The following CENPE variants were observed in gnomAD, a reference collection of about 807,000 sequenced individuals.
CENPE encodes the protein centromere-associated protein E.
In CENPE, 145 loss-of-function variants were observed where a neutral mutation model predicts 336.1. That is an observed-to-expected ratio of 0.43 (90% CI 0.38 to 0.50). The LOEUF (loss-of-function observed/expected upper bound fraction) is 0.50. Among genes scored for constraint, CENPE ranks in the 20% least tolerant of loss-of-function variants. CENPE has a pLI of 0.00. For missense variants in CENPE, 2,719 were observed against 3,023.3 expected (o/e 0.90, Z 2.36); for synonymous variants, 1,013 against 984.8 (o/e 1.03, Z -0.54).
In CENPE at chr4:103,196,240, T is replaced by C. The variant is rs1757721124; in HGVS notation, c.161A>G (p.His54Arg). The change falls in exon 3 of 49, where the codon CAT becomes CGT. Residue 54 changes from histidine to arginine, a missense_variant. Physicochemically the swap from His to Arg is conservative, Grantham distance 29. Transcript: ENST00000265148. ...SKSFNFDRVF[H>R]GNETTKNVYE... ...CACATTTTTGGTAGTTTCATTACCA[T>C]GAAAGACACGATCTAAACAACAACA... 2 of 1,609,750 alleles carry C rather than the reference T, an allele frequency of 1.2e-6. No homozygotes were observed. Among genetic ancestry groups the C allele is most frequent in the Non-Finnish European group, 8.5e-7 (1 of 1,177,100 alleles).
Position 103,144,442 on chromosome 4 carries a change from AAGG to A in CENPE, c.5031_5033del (p.Leu1678del). 3 of 1,613,962 alleles carry A rather than the reference AAGG, an allele frequency of 1.9e-6. No individual in the cohort carries two copies. The highest frequency in any genetic ancestry group is 2.5e-6 in the Non-Finnish European group (3 of 1,179,946). ...CTTTTGTTACAGATCTCATTTCTTC[AAGG>A]TTTTCATGTAGTATCTGAGTCAACC... On this transcript the variant is annotated inframe_deletion, in exon 33 of 49. Transcript: ENST00000265148.
intron 9 of CENPE, among the ~76,000 whole-genome samples, chr4:103,184,924 G>T (rs183766229): frequency 6.6e-6 from 1 of 152,244 alleles, no homozygotes; most frequent in East Asian, 1.9e-4. Context: ...ACAGAGGCCT[G>T]ATATCCTTGT....
At chr4:103,185,267 T>C (rs537191634) in intron 9 of CENPE, among the ~76,000 whole-genome samples, 2 of 149,290 alleles carry the variant, frequency 1.3e-5, no homozygotes, top group East Asian at 3.9e-4. Flanking sequence ...ATCGTGCCAC[T>C]GCACTCCAGC....
At position 103,174,801 on chromosome 4, in the gene CENPE, A is replaced by G. The variant is rs1578660438; in HGVS notation, c.1582T>C (p.Leu528=). The G allele has an allele frequency of 1.9e-6, 3 of 1,552,074 alleles. No homozygotes were observed. In the East Asian group the frequency reaches 7.1e-5, roughly 37 times the overall value. ...RTEKEEMELK[L]KEKNDLDEFE... ...TCATCCAAATCATTCTTTTCTTTTA[A>G]TTTCAATTCCATTTCTTCTTTTTCT... The change falls in exon 16 of 49, where the codon TTA becomes CTA. Residue 528 remains leucine, a synonymous_variant. Transcript: ENST00000265148.
intron 8 of CENPE, among the ~76,000 whole-genome samples, chr4:103,192,949 G>A (rs1757480156): frequency 6.6e-6 from 1 of 150,878 alleles, no homozygotes; most frequent in Non-Finnish European, 1.5e-5. Context: ...AGGAGGGTAG[G>A]GAAAAAGAAG....
chr4:103,132,331 TACC>T (rs1203064148), intron 42 of CENPE, among the ~76,000 whole-genome samples: 1 of 152,220 alleles, frequency 6.6e-6, no homozygotes, highest in African/African-American at 2.4e-5. Context: ...TCTATGACTT[TACC>T]ACAGTTGCTG....
chr4:103,162,421 G>T (rs2045746), intron 18 of CENPE, among the ~76,000 whole-genome samples: 51,695 of 151,934 alleles, frequency 0.34, 9,181 homozygotes, highest in Middle Eastern at 0.48. Flanking sequence ...TTCAATGTTA[G>T]TTAATGCCAA....
chr4:103,111,972 G>A (rs11724522), intron 46 of CENPE, among the ~76,000 whole-genome samples: 25,813 of 151,380 alleles, frequency 0.17, 2,312 homozygotes, highest in South Asian at 0.31. Context: ...CTTTATGTAC[G>A]TGTGTGTGCG....
At position 103,132,734 on chromosome 4, in the gene CENPE, T is replaced by A; in HGVS notation, c.6883A>T (p.Arg2295Trp). The A allele has an allele frequency of 6.4e-7, 1 of 1,565,758 alleles. No homozygotes were observed. Among genetic ancestry groups the A allele is most frequent in the Non-Finnish European group, 8.8e-7 (1 of 1,142,436 alleles). Reference sequence around the variant, plus strand: ...AAGAAGTTATTCACTTGACAAATCCTATCATTTTCTTTCTGGATGCCATTT... The same window carrying A: ...AAGAAGTTATTCACTTGACAAATCCAATCATTTTCTTTCTGGATGCCATTT... ...LKNGIQKEND[R>W]ICQVNNFFNN... is the part of the protein sequence containing the mutation. The change falls in exon 42 of 49, where the codon AGG becomes TGG. Residue 2295 changes from arginine (R) to tryptophan (W), a missense_variant. By Grantham distance (101) the Arg-to-Trp change is moderately radical. Coordinates refer to ENST00000265148, the MANE Select transcript of CENPE (RefSeq NM_001813.3).
At chr4:103,193,955 T>A (rs1757551978) in intron 8 of CENPE, among the ~76,000 whole-genome samples, 1 of 151,802 alleles carries the variant, frequency 6.6e-6, no homozygotes, top group African/African-American at 2.4e-5. Flanking sequence ...GCATTAGTGG[T>A]TAGAAAAAAC....
Position 103,133,846 on chromosome 4 carries a change from G to A in CENPE, c.6569C>T (p.Ser2190Phe). Reference sequence around the variant, plus strand: ...AAAATCCATTTCAAATTTATTGATGGATTCATGTTGTTCTTCTTTTATTTT... The same window carrying A: ...AAAATCCATTTCAAATTTATTGATGAATTCATGTTGTTCTTCTTTTATTTT... ...VTKIKEEQHE[S>F]INKFEMDFID... The change falls in exon 41 of 49, where the codon TCC becomes TTC. Residue 2190 changes from serine (S) to phenylalanine (F), a missense_variant. Ser to Phe is a radical substitution (Grantham distance 155, BLOSUM62 -2). Around this residue, in one of 5 missense-constraint regions of CENPE, gnomAD observed 2,437 missense variants for 2,513.3 expected, o/e 0.97. Transcript: ENST00000265148. The A allele has an allele frequency of 6.3e-7, 1 of 1,597,418 alleles. No homozygotes were observed. Among genetic ancestry groups the A allele is most frequent in the Non-Finnish European group, 8.6e-7 (1 of 1,168,236 alleles).
In CENPE at chr4:103,161,398, G is replaced by A; in HGVS notation, c.1902C>T (p.Ala634=). 1.2e-6 allele frequency: 2 copies of A among 1,612,574 alleles called. No homozygotes were observed. The highest frequency in any genetic ancestry group is 1.7e-6 in the Non-Finnish European group (2 of 1,179,280). ...KQTLFDAETV[A]LDAKRESAFL... Reference sequence around the variant, plus strand: ...AGGCTGATTCTCTCTTGGCATCAAGGGCTACAGTTTCAGCATCAAACAGAG... The same window carrying A: ...AGGCTGATTCTCTCTTGGCATCAAGAGCTACAGTTTCAGCATCAAACAGAG... The change falls in exon 19 of 49, where the codon GCC becomes GCT. Residue 634 remains alanine (A), a synonymous_variant. Transcript: ENST00000265148.
At chr4:103,111,073 G>A in intron 46 of CENPE, 62 bp from the exon 47 acceptor site, 1 of 1,223,550 alleles carries the variant, frequency 8.2e-7, no homozygotes, top group Non-Finnish European at 1.1e-6. Flanking sequence ...TCAAAATAAA[G>A]GAAATACTAC....
chr4:103,179,725 A>C (rs945103818), intron 13 of CENPE, among the ~76,000 whole-genome samples: 2 of 152,190 alleles, frequency 1.3e-5, no homozygotes, highest in African/African-American at 4.8e-5. Flanking sequence ...GAATTCAAGA[A>C]ATTGTCCAAG....
intron 44 of CENPE, among the ~76,000 whole-genome samples, chr4:103,118,182 T>C (rs2125857995): frequency 6.6e-6 from 1 of 152,326 alleles, no homozygotes; most frequent in East Asian, 1.9e-4. Context: ...CCATTTTGCA[T>C]TTCCACTAGC....
Position 103,183,195 on chromosome 4 carries a change from A to C in CENPE, c.833+6T>G, listed in dbSNP as rs747968770. The C allele has an allele frequency of 1.2e-5, 19 of 1,608,116 alleles. No homozygotes were observed. Among genetic ancestry groups the C allele is most frequent in the Non-Finnish European group, 1.5e-5 (18 of 1,175,560 alleles). ...AGTAGGTAAGTGCACAACGGGATAA[A>C]CTTACCCAACTTGTCCATCACTAAG... On this transcript the variant is annotated splice_donor_region_variant and intron_variant, in intron 10 of 48. Transcript: ENST00000265148.
chr4:103,196,926 C>A, intron 1 of CENPE, 76 bp from the exon 2 acceptor site: 1 of 725,606 alleles, frequency 1.4e-6, no homozygotes, highest in South Asian at 1.6e-5. Context: ...AAAGATTTCA[C>A]CTGCTAAAGA....
At chr4:103,119,344 TA>T (rs1312970614) in intron 44 of CENPE, among the ~76,000 whole-genome samples, 2 of 152,198 alleles carry the variant, frequency 1.3e-5, no homozygotes, top group Non-Finnish European at 2.9e-5. Flanking sequence ...GTTGAATGAA[TA>T]AAAACTGTGA....
chr4:103,148,432 A>C (rs1190545873), intron 28 of CENPE, among the ~76,000 whole-genome samples: 3 of 152,198 alleles, frequency 2.0e-5, no homozygotes, highest in African/African-American at 7.2e-5. Flanking sequence ...ATTGGAATTA[A>C]GGGATTTTCT....
Sources: gnomAD v4.1 joint callset for allele counts (sites outside exome capture counted in the v4.1 genomes callset) on GRCh38, gnomAD v4.1.1 for gene constraint, gnomAD v4.1.1 regional missense constraint, MANE v1.5 for transcripts, NCBI Gene and HGNC (gene_info 2026-07-23, HGNC 2026-07-21) for gene names.